Variants in CTHRC1 observed in about 807,000 individuals in gnomAD.
CTHRC1 encodes the protein collagen triple helix repeat-containing protein 1.
Under a neutral mutation model 25.9 loss-of-function variants are expected in CTHRC1, and 21 were observed. That is an observed-to-expected ratio of 0.81 (90% confidence interval 0.57 to 1.17). The LOEUF (loss-of-function observed/expected upper bound fraction) is 1.17. Among genes scored for constraint, CTHRC1 ranks in the 50% most tolerant of loss-of-function variants. CTHRC1 has a pLI of 0.00. For missense variants in CTHRC1, 281 were observed against 304.3 expected, an observed-to-expected ratio of 0.92 and a Z score of 0.57; for synonymous variants, 109 against 113.1, an observed-to-expected ratio of 0.96 and a Z score of 0.23.
intron 2 of CTHRC1, among the ~76,000 whole-genome samples, chr8:103,376,447 T>G (rs1276614545): frequency 6.6e-6 from 1 of 152,206 alleles, no homozygotes; most frequent in Non-Finnish European, 1.5e-5. Flanking sequence ...GGGTTAGATG[T>G]GAGGTACTAC....
chr8:103,379,436 A>C (rs1289276785), intron 3 of CTHRC1, among the ~76,000 whole-genome samples: 1 of 151,732 alleles, frequency 6.6e-6, no homozygotes, highest in East Asian at 1.9e-4. Flanking sequence ...TTTAAGATTC[A>C]TTAAAGAAAG....
intron 3 of CTHRC1, among the ~76,000 whole-genome samples, chr8:103,380,999 G>A (rs1468572089): frequency 6.6e-6 from 1 of 152,122 alleles, no homozygotes; most frequent in Non-Finnish European, 1.5e-5. Flanking sequence ...CTACATCTCT[G>A]GGTCTCAGCA....
intron 3 of CTHRC1, 115 bp from the exon 4 acceptor site, chr8:103,382,343 A>C: frequency 9.8e-7 from 1 of 1,015,956 alleles, no homozygotes. Flanking sequence ...TAAAATTTTT[A>C]AGTAGCATTA....
intron 1 of CTHRC1, among the ~76,000 whole-genome samples, chr8:103,374,443 T>C (rs1371438379): frequency 6.6e-6 from 1 of 152,198 alleles, no homozygotes; most frequent in East Asian, 1.9e-4. Context: ...GCATTGGGTT[T>C]TGGAGTGTCT....
intron 1 of CTHRC1, chr8:103,372,323 T>A (rs2130393258): frequency 2.5e-6 from 2 of 796,696 alleles, no homozygotes; most frequent in Non-Finnish European, 3.7e-6. Context: ...AAAGCATCCG[T>A]CCAACTCTTT....
chr8:103,379,259 T>C (rs1266319179), intron 3 of CTHRC1, among the ~76,000 whole-genome samples: 3 of 152,158 alleles, frequency 2.0e-5, no homozygotes, highest in Admixed American at 2.0e-4. Flanking sequence ...TATTTATTTA[T>C]TTATTTTAGA....
chr8:103,382,220 A>G (rs1244446940), intron 3 of CTHRC1, among the ~76,000 whole-genome samples: 2 of 152,190 alleles, frequency 1.3e-5, no homozygotes, highest in Non-Finnish European at 2.9e-5. Flanking sequence ...GAAACCTGTA[A>G]GAACACTGCT....
At position 103,382,724 on chromosome 8, in the gene CTHRC1, C is replaced by T; in HGVS notation, c.*124C>T. The T allele has an allele frequency of 2.2e-6, 2 of 890,434 alleles. No homozygotes were observed. The highest frequency in any genetic ancestry group is 2.7e-5 in the South Asian group (2 of 75,240). The allele number at this position is 890,434 out of a possible 1,614,324, so 55.2% of individuals were successfully genotyped here. A position where few individuals can be genotyped will look rare whatever the true frequency, so the allele number is the denominator to read the frequency against. On this transcript the variant is annotated 3_prime_UTR_variant, in exon 4 of 4. Transcript: ENST00000330295. ...AAGCAAAGCTAAATATGTTTACAGA[C>T]CAAAGTGTGATTTCACACTGTTTTT...
intron 1 of CTHRC1, among the ~76,000 whole-genome samples, chr8:103,373,782 T>C (rs985465678): frequency 1.3e-5 from 2 of 150,064 alleles, no homozygotes; most frequent in African/African-American, 4.9e-5. Context: ...GAGGACAAAA[T>C]TGTCCCCAGT....
At chr8:103,372,324 C>T in intron 1 of CTHRC1, 1 of 810,278 alleles carries the variant, frequency 1.2e-6, no homozygotes, top group Admixed American at 3.1e-5. Context: ...AAGCATCCGT[C>T]CAACTCTTTG....
intron 2 of CTHRC1, 31 bp downstream of exon 2, chr8:103,375,990 A>C (rs549472586): frequency 2.0e-6 from 3 of 1,527,054 alleles, no homozygotes; most frequent in African/African-American, 1.4e-5. Context: ...AATTGAAGCA[A>C]GATTTAAGGG....
At chr8:103,372,598 C>G (rs1313330982) in intron 1 of CTHRC1, 3 of 1,598,300 alleles carry the variant, frequency 1.9e-6, no homozygotes, top group Non-Finnish European at 2.5e-6. Flanking sequence ...CGGGAGAAAA[C>G]AGTTTCCAGG....
chr8:103,371,853 A>T, intron 1 of CTHRC1, 47 bp downstream of exon 1: 1 of 1,457,556 alleles, frequency 6.9e-7, no homozygotes. Flanking sequence ...GGTGGAGGGG[A>T]CCTGGCCGCG....
chr8:103,381,469 T>C (rs1447371495), intron 3 of CTHRC1, among the ~76,000 whole-genome samples: 2 of 85,048 alleles, frequency 2.4e-5, no homozygotes, highest in African/African-American at 9.3e-5. Flanking sequence ...GATTTTTTTT[T>C]TTTAATTTAA....
At chr8:103,380,435 C>A (rs1815886957) in intron 3 of CTHRC1, among the ~76,000 whole-genome samples, 1 of 152,132 alleles carries the variant, frequency 6.6e-6, no homozygotes, top group Non-Finnish European at 1.5e-5. Context: ...CTTTTTCTGA[C>A]ATACTGATAG....
rs1012680627 is a variant in CTHRC1 at position 103,372,377 on chromosome 8, A to T, written c.150+571A>T. On this transcript the variant is annotated intron_variant, in intron 1 of 3. Transcript: ENST00000330295. ...GTCACGTTGGGTCATCTTCCTAGGG[A>T]GTATGGGCTGCAATTTACTTTGTTG... is the stretch of plus-strand genomic sequence containing the variant. The T allele has an allele frequency of 6.9e-6, 9 of 1,310,796 alleles. No homozygotes were observed. In the Admixed American group the frequency reaches 8.0e-5, roughly 12 times the overall value. 81.2% of individuals were successfully genotyped at this position (1,310,796 alleles called of 1,614,324 possible). A position where few individuals can be genotyped will look rare whatever the true frequency, so the allele number is the denominator to read the frequency against.
rs1380640871 is a variant in CTHRC1 at position 103,375,945 on chromosome 8, C to A, written c.358C>A (p.Leu120Ile). ...GAGTTCATTGAATTATGGCATAGAT[C>A]TTGGGAAAATTGCGGTAAGTTTGAA... ...SWSSLNYGID[L>I]GKIAECTFTK... Residue 120 changes from leucine (L) to isoleucine (I), a missense_variant, in exon 2 of 4, where the codon CTT (leucine) becomes ATT (isoleucine). Physicochemically the swap from Leu to Ile is conservative, Grantham distance 5. Coordinates refer to ENST00000330295, the MANE Select transcript of CTHRC1 (RefSeq NM_138455.4). The A allele has an allele frequency of 6.2e-7, 1 of 1,612,914 alleles. No homozygotes were observed. Among genetic ancestry groups the A allele is most frequent in the African/African-American group, 1.3e-5 (1 of 74,846 alleles).
chr8:103,380,871 T>C lies in CTHRC1; in HGVS notation c.590-1587T>C, dbSNP rs1291915522. 2.0e-5 allele frequency among the ~76,000 whole-genome samples: 3 copies of C among 152,332 alleles called. No homozygotes were observed. In the East Asian group the frequency reaches 5.8e-4, roughly 29 times the overall value. ...ACCAGATTAAATGGGATTGTGGGCC[T>C]ACTATTTAGTTCCCCCAACTTGGGA... is the stretch of plus-strand genomic sequence containing the variant. On this transcript the variant is annotated intron_variant, in intron 3 of 3. Transcript: ENST00000330295.
At chr8:103,376,115 T>G (rs1053927906) in intron 2 of CTHRC1, 156 bp downstream of exon 2, 3 of 662,736 alleles carry the variant, frequency 4.5e-6, no homozygotes, top group Non-Finnish European at 7.9e-6. Context: ...TGAAAAAGTT[T>G]ATAACATTTC....
Sources: allele counts gnomAD v4.1 joint callset (sites outside exome capture counted in the v4.1 genomes callset), GRCh38; gene constraint gnomAD v4.1.1; transcripts MANE v1.5; gene names NCBI Gene and HGNC (gene_info 2026-07-23, HGNC 2026-07-21).